Variants in LPAR1 observed in about 807,000 individuals in gnomAD.
LPAR1 encodes lysophosphatidic acid receptor 1, also known as LPA receptor 1.
Under a neutral mutation model 23.8 loss-of-function variants are expected in LPAR1, and 5 were observed. The observed-to-expected ratio is 0.21, with a 90% CI of 0.11 to 0.44. LPAR1 has a LOEUF of 0.44. LPAR1 is among the 20% of genes least tolerant of loss of function. The pLI is 0.99. For missense variants in LPAR1, 311 were observed against 482.8 expected, an observed-to-expected ratio of 0.64 and a Z score of 3.33; for synonymous variants, 160 against 164.7, an observed-to-expected ratio of 0.97 and a Z score of 0.22.
intron 5 of LPAR1, among the ~76,000 whole-genome samples, chr9:110,887,791 C>T (rs113730349): frequency 0.012 from 1,829 of 152,142 alleles, 26 homozygotes; most frequent in African/African-American, 0.041. Flanking sequence ...CTGACTAGCC[C>T]GTAAATCCTA....
intron 4 of LPAR1, among the ~76,000 whole-genome samples, chr9:110,950,138 T>A (rs903133091): frequency 9.5e-6 from 1 of 105,582 alleles, no homozygotes; most frequent in East Asian, 1.2e-3. Context: ...AAATATGACA[T>A]GAATGTCATA....
At chr9:110,894,748 G>T (rs78724195) in intron 5 of LPAR1, among the ~76,000 whole-genome samples, 2,489 of 152,236 alleles carry the variant, frequency 0.016, 61 homozygotes, top group African/African-American at 0.055. Flanking sequence ...AGGTGCAGTG[G>T]CTCACACCTA....
At chr9:110,888,480 G>A (rs1035444592) in intron 5 of LPAR1, among the ~76,000 whole-genome samples, 12 of 150,986 alleles carry the variant, frequency 7.9e-5, no homozygotes, top group Non-Finnish European at 1.2e-4. Flanking sequence ...TCATAGAAAC[G>A]ATGTCTTCTT....
At chr9:110,962,059 A>G (rs1424719322) in intron 4 of LPAR1, among the ~76,000 whole-genome samples, 1 of 152,170 alleles carries the variant, frequency 6.6e-6, no homozygotes, top group Non-Finnish European at 1.5e-5. Flanking sequence ...TTCTTCCTCC[A>G]CTGCCATAGC....
At position 110,890,060 on chromosome 9, in the gene LPAR1, G is replaced by T. The variant is rs571461842; in HGVS notation, c.794-14338C>A. 1.1e-4 allele frequency among the ~76,000 whole-genome samples: 16 copies of T among 152,172 alleles called. No individual in the cohort carries two copies. The South Asian group carries it at 3.3e-3, about 32-fold the overall frequency. ...TGGTATTTAAAGAAACAACTAAAGA[G>T]ACAAATGTCTTATAAATATGACCAA... is the stretch of plus-strand genomic sequence containing the variant. On this transcript the variant is annotated intron_variant, in intron 5 of 5. Coordinates refer to ENST00000683809, the MANE Select transcript of LPAR1 (RefSeq NM_001351411.2).
chr9:110,877,369 C>G (rs755881607), intron 5 of LPAR1, among the ~76,000 whole-genome samples: 1 of 152,140 alleles, frequency 6.6e-6, no homozygotes, highest in Non-Finnish European at 1.5e-5. Context: ...AAATACAACA[C>G]CTTAGACTTT....
At chr9:110,967,856 G>T (rs995229592) in intron 4 of LPAR1, among the ~76,000 whole-genome samples, 3 of 152,176 alleles carry the variant, frequency 2.0e-5, no homozygotes, top group African/African-American at 7.2e-5. Flanking sequence ...ATTGGCCAAA[G>T]GATCCTGGGA....
At chr9:111,026,989 T>C (rs1377022605) in intron 2 of LPAR1, among the ~76,000 whole-genome samples, 2 of 152,180 alleles carry the variant, frequency 1.3e-5, no homozygotes, top group African/African-American at 2.4e-5. Context: ...TGAAATTTTC[T>C]TTTTTTGTTG....
chr9:110,998,675 T>C (rs2097068879), intron 2 of LPAR1, among the ~76,000 whole-genome samples: 1 of 152,228 alleles, frequency 6.6e-6, no homozygotes, highest in Non-Finnish European at 1.5e-5. Flanking sequence ...ATTAGTGTAA[T>C]CCATCTGAAT....
rs951715002 is a variant in LPAR1 at position 110,955,831 on chromosome 9, A to C, written c.46-13663T>G. Among the ~76,000 whole-genome samples the C allele has an allele frequency of 2.6e-5, 4 of 152,072 alleles. No homozygotes were observed. The South Asian group carries it at 8.3e-4, about 31-fold the overall frequency. ...GGGTCAAGGAAGAAATTAAAAAGAA[A>C]ATCAAAAAATTTCTTGAAACAAATG... is the stretch of plus-strand genomic sequence containing the variant. On this transcript the variant is annotated intron_variant, in intron 4 of 5. Transcript: ENST00000683809.
chr9:110,990,728 G>A (rs1199908084), intron 2 of LPAR1, among the ~76,000 whole-genome samples: 1 of 151,402 alleles, frequency 6.6e-6, no homozygotes, highest in East Asian at 1.9e-4. Context: ...AAAGTAAGCA[G>A]GAAAAAATAA....
intron 2 of LPAR1, among the ~76,000 whole-genome samples, chr9:110,985,568 G>A (rs1421486828): frequency 1.3e-5 from 2 of 152,100 alleles, no homozygotes; most frequent in South Asian, 4.2e-4. Context: ...TGATGGGCCA[G>A]GTCAGGTATT....
chr9:110,991,784 G>T (rs2096900142), intron 2 of LPAR1, among the ~76,000 whole-genome samples: 1 of 151,906 alleles, frequency 6.6e-6, no homozygotes, highest in African/African-American at 2.4e-5. Flanking sequence ...GTAGAGATGG[G>T]GTTTCTCCAT....
At chr9:110,950,290 T>C (rs1350570688) in intron 4 of LPAR1, among the ~76,000 whole-genome samples, 1 of 151,888 alleles carries the variant, frequency 6.6e-6, no homozygotes, top group African/African-American at 2.4e-5. Context: ...CAAAATCCCA[T>C]CTCTACTATA....
At chr9:110,887,408 A>C (rs560454159) in intron 5 of LPAR1, among the ~76,000 whole-genome samples, 1 of 152,256 alleles carries the variant, frequency 6.6e-6, no homozygotes, top group South Asian at 2.1e-4. Context: ...ATAAACTGTA[A>C]ATGTGGTCAC....
At chr9:110,897,203 G>A (rs970819938) in intron 5 of LPAR1, among the ~76,000 whole-genome samples, 2 of 152,130 alleles carry the variant, frequency 1.3e-5, no homozygotes, top group Non-Finnish European at 2.9e-5. Flanking sequence ...GTTGCGGAAG[G>A]GACCCCATGG....
intron 4 of LPAR1, among the ~76,000 whole-genome samples, chr9:110,966,481 G>GAA (rs766143422): frequency 2.1e-4 from 17 of 79,344 alleles, no homozygotes; most frequent in East Asian, 3.9e-4. Context: ...TCCATCTCAA[G>GAA]AAAAAAAAAA....
chr9:111,012,249 T>TCAAA (rs375456724), intron 2 of LPAR1, among the ~76,000 whole-genome samples: 25 of 152,088 alleles, frequency 1.6e-4, no homozygotes, highest in South Asian at 8.3e-4. Flanking sequence ...AAACCCTGTC[T>TCAAA]CAAACAAACA....
At chr9:110,962,855 C>T (rs1412178618) in intron 4 of LPAR1, among the ~76,000 whole-genome samples, 2 of 151,994 alleles carry the variant, frequency 1.3e-5, no homozygotes, top group Non-Finnish European at 2.9e-5. Context: ...TTTTAAATGA[C>T]AGTCTTATTA....
Sources: allele counts gnomAD v4.1 joint callset (sites outside exome capture counted in the v4.1 genomes callset), GRCh38; gene constraint gnomAD v4.1.1; transcripts MANE v1.5; gene names NCBI Gene and HGNC (gene_info 2026-07-23, HGNC 2026-07-21).